The following TLL1 variants were observed in gnomAD, a reference collection of about 807,000 sequenced individuals.
TLL1 encodes tolloid like 1, also known as tolloid-like protein 1.
In TLL1, 49 loss-of-function variants were observed where a neutral mutation model predicts 128.2. That is an observed-to-expected ratio of 0.38 (90% CI 0.30 to 0.48). TLL1 has a LOEUF of 0.48. Among genes scored for constraint, TLL1 ranks in the 20% least tolerant of loss-of-function variants. TLL1 has a pLI of 0.96. For synonymous variants in TLL1, 454 were observed against 418.8 expected, an observed-to-expected ratio of 1.08 and a Z score of -1.03; for missense variants, 1,123 against 1,242.0, an observed-to-expected ratio of 0.90 and a Z score of 1.44.
intron 1 of TLL1, among the ~76,000 whole-genome samples, chr4:165,928,008 G>A (rs945789612): frequency 1.3e-5 from 2 of 151,874 alleles, no homozygotes; most frequent in South Asian, 2.1e-4. Context: ...TCTGTTTTAC[G>A]CTAAATGTAA....
At chr4:165,928,714 T>C (rs1271722231) in intron 1 of TLL1, among the ~76,000 whole-genome samples, 17 of 152,216 alleles carry the variant, frequency 1.1e-4, no homozygotes, top group Admixed American at 1.0e-3. Context: ...TGTTGGACTT[T>C]AGCTGTTCAC....
intron 1 of TLL1, among the ~76,000 whole-genome samples, chr4:165,966,689 C>T (rs749033394): frequency 1.3e-5 from 2 of 152,188 alleles, no homozygotes; most frequent in African/African-American, 2.4e-5. Flanking sequence ...GCTGCAAAAC[C>T]AGCAAGTTTT....
intron 18 of TLL1, among the ~76,000 whole-genome samples, chr4:166,084,607 T>C (rs942139743): frequency 1.3e-5 from 2 of 152,166 alleles, no homozygotes; most frequent in African/African-American, 2.4e-5. Flanking sequence ...CATGTGGATA[T>C]CCAGTTTTCC....
At chr4:165,912,151 T>G (rs1732562826) in intron 1 of TLL1, among the ~76,000 whole-genome samples, 1 of 152,166 alleles carries the variant, frequency 6.6e-6, no homozygotes, top group Non-Finnish European at 1.5e-5. Context: ...ATGGTGTTCT[T>G]AAACATGGTG....
intron 9 of TLL1, among the ~76,000 whole-genome samples, chr4:166,029,460 A>G (rs1157500571): frequency 1.3e-5 from 2 of 152,018 alleles, no homozygotes; most frequent in Non-Finnish European, 2.9e-5. Flanking sequence ...TGCAAATGCT[A>G]CCATGGATTT....
intron 12 of TLL1, chr4:166,044,330 T>G (rs2111095991): frequency 4.6e-6 from 7 of 1,530,828 alleles, no homozygotes; most frequent in East Asian, 2.4e-5. Context: ...CTGAGGGCAG[T>G]GACCGTGGTC....
rs756616432 is a variant in TLL1 at position 166,008,017 on chromosome 4, A to G, written c.886A>G (p.Ile296Val). Reference sequence around the variant, plus strand: ...TGGAGAAAGATATGATTTCGACAGTATCATGCACTATGCCAGGAACACCTT... The same window carrying G: ...TGGAGAAAGATATGATTTCGACAGTGTCATGCACTATGCCAGGAACACCTT... ...SLGERYDFDS[I>V]MHYARNTFSR... The change falls in exon 7 of 21, where the codon ATC becomes GTC. Residue 296 changes from isoleucine (I) to valine (V), a missense_variant. Physicochemically the swap from Ile to Val is conservative, Grantham distance 29. Transcript: ENST00000061240. 2 of 1,609,782 alleles carry G rather than the reference A, an allele frequency of 1.2e-6. No homozygotes were observed. The highest frequency in any genetic ancestry group is 1.7e-6 in the Non-Finnish European group (2 of 1,176,828).
chr4:165,963,997 C>T (rs1020302178), intron 1 of TLL1, among the ~76,000 whole-genome samples: 2 of 152,262 alleles, frequency 1.3e-5, no homozygotes, highest in East Asian at 1.9e-4. Flanking sequence ...CTCCCATCTG[C>T]CATGCTGTAT....
At chr4:166,001,513 T>C (rs78901610) in intron 5 of TLL1, among the ~76,000 whole-genome samples, 1,661 of 152,036 alleles carry the variant, frequency 0.011, 36 homozygotes, top group African/African-American at 0.037. Flanking sequence ...TTTCTATCCA[T>C]TGAGGCTGGC....
intron 1 of TLL1, among the ~76,000 whole-genome samples, chr4:165,906,653 T>A (rs7698885): frequency 0.31 from 46,575 of 151,998 alleles, 7,490 homozygotes; most frequent in East Asian, 0.52. Context: ...TAATTTGAGA[T>A]TAATTATTGC....
rs141217455 is a variant in TLL1, at chr4:165,970,421, G to T, written c.170-18960G>T. 3.7e-3 allele frequency among the ~76,000 whole-genome samples: 567 copies of T among 152,216 alleles called. 4 individuals are homozygous for T. Among genetic ancestry groups the T allele is most frequent in the African/African-American group, 0.012 (511 of 41,546 alleles). ...TGAAATATGACTACATAAAGCAGGT[G>T]AATTGTTTGAGACATTTAAACTCTA... On this transcript the variant is annotated intron_variant, in intron 1 of 20. Coordinates refer to ENST00000061240, the MANE Select transcript of TLL1 (RefSeq NM_012464.5).
At chr4:166,042,266 A>G (rs1739272339) in intron 11 of TLL1, 123 bp downstream of exon 11, 1 of 704,972 alleles carries the variant, frequency 1.4e-6, no homozygotes, top group South Asian at 1.5e-5. Context: ...CTGAATCTGT[A>G]TTATAATATT....
chr4:165,915,746 G>C (rs1732748505), intron 1 of TLL1, among the ~76,000 whole-genome samples: 1 of 152,132 alleles, frequency 6.6e-6, no homozygotes, highest in Admixed American at 6.5e-5. Flanking sequence ...AAGACTGATT[G>C]ATCTCAGCAG....
At chr4:165,978,736 A>G (rs1298464575) in intron 1 of TLL1, among the ~76,000 whole-genome samples, 1 of 152,096 alleles carries the variant, frequency 6.6e-6, no homozygotes, top group Non-Finnish European at 1.5e-5. Flanking sequence ...TGTAAATTGG[A>G]TTCTGCAAAA....
chr4:166,058,074 G>A (rs777364540), intron 14 of TLL1, among the ~76,000 whole-genome samples: 18 of 151,852 alleles, frequency 1.2e-4, no homozygotes, highest in Admixed American at 7.2e-4. Context: ...CACTGTGTTT[G>A]TACATATTAA....
At chr4:165,903,071 G>A (rs904839569) in intron 1 of TLL1, among the ~76,000 whole-genome samples, 7 of 152,106 alleles carry the variant, frequency 4.6e-5, no homozygotes, top group African/African-American at 1.7e-4. Context: ...GGGTGCGGTG[G>A]CTCACACCTG....
chr4:166,012,342 G>T (rs1177685539), intron 7 of TLL1, among the ~76,000 whole-genome samples: 2 of 151,452 alleles, frequency 1.3e-5, no homozygotes, highest in Admixed American at 6.6e-5. Context: ...AAGAAGAAAA[G>T]CATGAGTGAC....
chr4:166,088,170 T>C (rs1309763247), intron 18 of TLL1, among the ~76,000 whole-genome samples: 1 of 152,096 alleles, frequency 6.6e-6, no homozygotes, highest in African/African-American at 2.4e-5. Context: ...CCTGTCTCCA[T>C]TGTGAACTTC....
chr4:166,057,338 AC>A (rs755251891), intron 14 of TLL1, 29 bp downstream of exon 14: 2 of 1,568,110 alleles, frequency 1.3e-6, no homozygotes, highest in African/African-American at 1.4e-5. Context: ...CTGGACCCCC[AC>A]CCCCCACAAT....
Sources: gnomAD v4.1 joint callset for allele counts (sites outside exome capture counted in the v4.1 genomes callset) on GRCh38, gnomAD v4.1.1 for gene constraint, MANE v1.5 for transcripts, NCBI Gene and HGNC (gene_info 2026-07-23, HGNC 2026-07-21) for gene names.